Variants in TTLL11 observed in about 807,000 individuals in gnomAD.
TTLL11 encodes the protein tubulin tyrosine ligase like 11, also known as tubulin polyglutamylase TTLL11.
TTLL11 carries 42 observed loss-of-function variants against 51.7 expected under a neutral mutation model. That is an observed-to-expected ratio of 0.81 (90% confidence interval 0.64 to 1.05). TTLL11 has a LOEUF of 1.05. TTLL11 is among the 50% of genes least tolerant of loss of function. The pLI is 0.00. For synonymous variants in TTLL11, 381 were observed against 383.5 expected (o/e 0.99, Z 0.08); for missense variants, 799 against 940.4 (o/e 0.85, Z 1.97).
At chr9:121,936,637 C>G (rs893562913) in intron 6 of TTLL11, among the ~76,000 whole-genome samples, 2 of 152,134 alleles carry the variant, frequency 1.3e-5, no homozygotes, top group Admixed American at 1.3e-4. Flanking sequence ...AAGGTCCTTT[C>G]CTTGCCAGAG....
At chr9:121,971,049 C>T (rs1430859484) in intron 6 of TTLL11, among the ~76,000 whole-genome samples, 3 of 143,658 alleles carry the variant, frequency 2.1e-5, no homozygotes, top group Non-Finnish European at 4.7e-5. Context: ...CGGTCAGCCG[C>T]CCCGTCCGGG....
At chr9:122,056,260 G>T (rs886134832) in intron 1 of TTLL11, among the ~76,000 whole-genome samples, 1 of 152,094 alleles carries the variant, frequency 6.6e-6, no homozygotes, top group Non-Finnish European at 1.5e-5. Flanking sequence ...ATGTGCCACT[G>T]CCACAAGAGA....
rs539995243 is a variant in TTLL11 at position 122,039,906 on chromosome 9, A to G, written c.463-538T>C. Among the ~76,000 whole-genome samples, 128 of 151,956 alleles carry G rather than the reference A, an allele frequency of 8.4e-4. 1 individual carries two copies. Among genetic ancestry groups the G allele is most frequent in the Non-Finnish European group, 1.3e-3 (90 of 67,940 alleles). ...CTCTCTCACACACACACACACACAT[A>G]CACACACACATATGCTCCATGAGGG... On this transcript the variant is annotated intron_variant, in intron 1 of 8. Coordinates refer to ENST00000321582, the MANE Select transcript of TTLL11 (RefSeq NM_001139442.2).
chr9:122,056,308 T>C (rs375638594), intron 1 of TTLL11, among the ~76,000 whole-genome samples: 97 of 152,312 alleles, frequency 6.4e-4, no homozygotes, highest in African/African-American at 1.6e-3. Flanking sequence ...AAAATTAATA[T>C]TGTACCAATA....
chr9:121,953,535 G>A (rs1436396356), intron 6 of TTLL11, among the ~76,000 whole-genome samples: 1 of 151,098 alleles, frequency 6.6e-6, no homozygotes, highest in Non-Finnish European at 1.5e-5. Flanking sequence ...AGGAGGCTGA[G>A]GCATAAGAGT....
chr9:122,050,146 A>T (rs1369845757), intron 1 of TTLL11, among the ~76,000 whole-genome samples: 4 of 152,218 alleles, frequency 2.6e-5, no homozygotes, highest in African/African-American at 9.6e-5. Flanking sequence ...AAACAATAGT[A>T]ATAAAACCTG....
chr9:121,826,619 C>T (rs1187375505), intron 8 of TTLL11, among the ~76,000 whole-genome samples: 1 of 145,602 alleles, frequency 6.9e-6, no homozygotes, highest in Non-Finnish European at 1.5e-5. Flanking sequence ...TTTGGCAGGG[C>T]TGGGATTTGA....
At position 121,931,583 on chromosome 9, in the gene TTLL11, T is replaced by TAAAA. The variant is rs1564311677; in HGVS notation, c.1481+42425_1481+42426insTTTT. ...CATGGTAAAACCCTGTTTCTACTAT[T>TAAAA]TAAAAAAAAAAAAAAAAAAAAAGAA... On this transcript the variant is annotated intron_variant, in intron 6 of 8. Coordinates refer to ENST00000321582, the MANE Select transcript of TTLL11 (RefSeq NM_001139442.2). Among the ~76,000 whole-genome samples, 16 of 103,804 alleles carry TAAAA rather than the reference T, an allele frequency of 1.5e-4. 1 individual carries two copies. Among genetic ancestry groups the TAAAA allele is most frequent in the Non-Finnish European group, 2.4e-4 (12 of 49,708 alleles). The allele number at this position is 103,804 out of a possible 152,430, so 68.1% of individuals were successfully genotyped here.
chr9:122,056,576 G>T lies in TTLL11; in HGVS notation c.463-17208C>A, dbSNP rs565212708. Among the ~76,000 whole-genome samples the T allele has an allele frequency of 3.3e-3, 500 of 152,308 alleles. 1 individual carries two copies. The highest frequency in any genetic ancestry group is 6.8e-3 in the Middle Eastern group (2 of 294). On this transcript the variant is annotated intron_variant, in intron 1 of 8. Coordinates refer to ENST00000321582, the MANE Select transcript of TTLL11 (RefSeq NM_001139442.2). ...AGGCCCCATGGAACTGAGCCTAGGA[G>T]AAATGGATGAGATTCCTTTAACTGT...
Position 121,917,522 on chromosome 9 carries a change from AAAGG to A in TTLL11, c.1482-46778_1482-46775del, listed in dbSNP as rs536661484. Among the ~76,000 whole-genome samples the A allele has an allele frequency of 5.1e-3, 725 of 141,376 alleles. 1 individual carries two copies. The highest frequency in any genetic ancestry group is 0.021 in the Middle Eastern group (6 of 286). The allele number at this position is 141,376 out of a possible 152,430, so 92.7% of individuals were successfully genotyped here. On this transcript the variant is annotated intron_variant, in intron 6 of 8. Transcript: ENST00000321582. ...AAAGAAAAGAAGGAGAGAGAGAAAGAAAGGAAGGAAGGAAGGAAGGAAGAAAAAG... is the reference window on the plus strand; with the variant it reads ...AAAGAAAAGAAGGAGAGAGAGAAAGAAAGGAAGGAAGGAAGGAAGAAAAAG...
chr9:121,969,222 G>T (rs961670860), intron 6 of TTLL11, among the ~76,000 whole-genome samples: 1 of 152,102 alleles, frequency 6.6e-6, no homozygotes, highest in African/African-American at 2.4e-5. Flanking sequence ...AAGATTATGA[G>T]GCTCAAAACA....
intron 6 of TTLL11, among the ~76,000 whole-genome samples, chr9:121,903,132 C>A (rs1039874778): frequency 1.3e-5 from 2 of 152,182 alleles, no homozygotes; most frequent in African/African-American, 4.8e-5. Flanking sequence ...GTACCTGAAA[C>A]TGCACTGTAT....
chr9:121,948,024 T>C (rs10739603), intron 6 of TTLL11, among the ~76,000 whole-genome samples: 103,526 of 152,180 alleles, frequency 0.68, 35,955 homozygotes, highest in Non-Finnish European at 0.77. Context: ...GGCACTGAGC[T>C]AGACACTCTC....
intron 3 of TTLL11, among the ~76,000 whole-genome samples, chr9:122,027,883 T>C (rs1844397731): frequency 6.6e-6 from 1 of 152,230 alleles, no homozygotes; most frequent in Non-Finnish European, 1.5e-5. Flanking sequence ...ACTAATCTTT[T>C]AGTTTCTTTA....
chr9:122,083,223 C>T (rs1178183630), intron 1 of TTLL11, among the ~76,000 whole-genome samples: 2 of 151,998 alleles, frequency 1.3e-5, no homozygotes, highest in African/African-American at 2.4e-5. Flanking sequence ...CCTGCTTCAG[C>T]GAATCAAATC....
At chr9:121,944,067 G>A (rs1841582016) in intron 6 of TTLL11, among the ~76,000 whole-genome samples, 1 of 152,164 alleles carries the variant, frequency 6.6e-6, no homozygotes, top group African/African-American at 2.4e-5. Flanking sequence ...GCATTTTCCT[G>A]GAAGGAAGAA....
chr9:122,044,323 G>A (rs1349131825), intron 1 of TTLL11, among the ~76,000 whole-genome samples: 2 of 152,028 alleles, frequency 1.3e-5, no homozygotes, highest in Non-Finnish European at 2.9e-5. Flanking sequence ...AAACATACGT[G>A]TGCATGTGTC....
rs940168651 is a variant in TTLL11, at chr9:121,853,511, G to A, written c.1840+6826C>T. ...CGGCCATTCTGGCTGGAGTGAGTGT[G>A]AGGCTAGTGATGAGTGGGGATGCAG... is the stretch of plus-strand genomic sequence containing the variant. On this transcript the variant is annotated intron_variant, in intron 8 of 8. Coordinates refer to ENST00000321582, the MANE Select transcript of TTLL11 (RefSeq NM_001139442.2). This position sits in a 1 kb window ranked among gnomAD's most constrained non-coding sequence, Gnocchi z 5.6. 2.0e-5 allele frequency among the ~76,000 whole-genome samples: 3 copies of A among 152,140 alleles called. No homozygotes were observed. Among genetic ancestry groups the A allele is most frequent in the Non-Finnish European group, 4.4e-5 (3 of 68,022 alleles).
chr9:121,888,174 A>T (rs1839088118), intron 6 of TTLL11, among the ~76,000 whole-genome samples: 1 of 152,188 alleles, frequency 6.6e-6, no homozygotes, highest in African/African-American at 2.4e-5. Context: ...GAAGGTCCCA[A>T]GGCCAAGTCT....
Sources: gnomAD v4.1 joint callset for allele counts (sites outside exome capture counted in the v4.1 genomes callset) on GRCh38, gnomAD v4.1.1 for gene constraint, Gnocchi (gnomAD v3.1) non-coding constraint, MANE v1.5 for transcripts, NCBI Gene and HGNC (gene_info 2026-07-23, HGNC 2026-07-21) for gene names.